The following SLC16A9 variants were observed in gnomAD, a reference collection of about 807,000 sequenced individuals.
SLC16A9 encodes solute carrier family 16 member 9.
A neutral mutation model predicts 44.3 loss-of-function variants in SLC16A9; 26 were observed. The observed-to-expected ratio is 0.59, with a 90% CI of 0.43 to 0.81. SLC16A9 has a LOEUF of 0.81. SLC16A9 is among the 40% of genes least tolerant of loss of function. The pLI is 0.00. For missense variants in SLC16A9, 559 were observed against 595.8 expected (o/e 0.94, Z 0.64); for synonymous variants, 230 against 225.1 (o/e 1.02, Z -0.19).
intron 3 of SLC16A9, among the ~76,000 whole-genome samples, chr10:59,671,523 C>T (rs1361995802): frequency 6.6e-6 from 1 of 152,164 alleles, no homozygotes; most frequent in Non-Finnish European, 1.5e-5. Context: ...CCCAACTGCC[C>T]AGCCAATGGT....
At chr10:59,699,070 C>G (rs2132539573) in intron 1 of SLC16A9, among the ~76,000 whole-genome samples, 1 of 152,272 alleles carries the variant, frequency 6.6e-6, no homozygotes. Context: ...TTGCATTTTT[C>G]ATACCCTAGT....
intron 2 of SLC16A9, among the ~76,000 whole-genome samples, chr10:59,676,398 C>T (rs1839858265): frequency 6.6e-6 from 1 of 152,146 alleles, no homozygotes. Flanking sequence ...TCTATTATTC[C>T]TCAGCACTGG....
At chr10:59,709,990 C>A (rs1237546752), upstream of SLC16A9, 3 of 152,154 alleles carry the variant, frequency 2.0e-5, no homozygotes, top group Non-Finnish European at 4.4e-5. Context: ...GGGCACTGCC[C>A]GAGCCGCGGC....
At chr10:59,664,417 T>C (rs934019688) in intron 3 of SLC16A9, 95 bp from the exon 4 acceptor site, 10 of 731,876 alleles carry the variant, frequency 1.4e-5, no homozygotes, top group Admixed American at 1.0e-4. Context: ...AGACATTCCA[T>C]TACTCACTGG....
intron 3 of SLC16A9, among the ~76,000 whole-genome samples, chr10:59,669,768 C>G (rs12252459): frequency 6.6e-6 from 1 of 151,078 alleles, no homozygotes; most frequent in Non-Finnish European, 1.5e-5. Context: ...ACCCATGAGG[C>G]GGAGGTTGCA....
chr10:59,668,889 T>A (rs993486517), intron 3 of SLC16A9, among the ~76,000 whole-genome samples: 5 of 152,202 alleles, frequency 3.3e-5, no homozygotes, highest in African/African-American at 1.2e-4. Flanking sequence ...GGGGGGCTTA[T>A]AAATCTCTAT....
In SLC16A9 at chr10:59,682,878, TTA is replaced by T. The variant is rs201291741; in HGVS notation, c.196+1216_196+1217del. ...TTCCCTTGAGCTCATAATGGCTATA[TTA>T]TTTTTTTTTGTTTACTTATATTTAA... On this transcript the variant is annotated intron_variant, in intron 2 of 5. Transcript: ENST00000395348. 3.6e-3 allele frequency among the ~76,000 whole-genome samples: 537 copies of T among 150,890 alleles called. 2 individuals are homozygous for T. The highest frequency in any genetic ancestry group is 0.011 in the African/African-American group (454 of 41,232).
Position 59,654,170 on chromosome 10 carries a change from TC to T in SLC16A9, c.855del (p.Lys286SerfsTer45). 6.2e-7 allele frequency: 1 copy of T among 1,614,090 alleles called. No individual in the cohort carries two copies. Among genetic ancestry groups the T allele is most frequent in the Non-Finnish European group, 8.5e-7 (1 of 1,180,014 alleles). On this transcript the variant is annotated frameshift_variant, in exon 5 of 6. Coordinates refer to ENST00000395348, the MANE Select transcript of SLC16A9 (RefSeq NM_194298.3). LOFTEE classifies it high-confidence loss of function. ...QTYFCKQLAKRKWQLYKNYCG... is the reference protein window; with the variant it reads ...QTYFCKQLAKXKWQLYKNYCG... ...CAGTAGTTTTTATATAACTGCCACT[TC>T]CTCTTGGCAAGCTGTTTGCAAAAAT...
At chr10:59,654,998 A>G (rs1839317126) in intron 4 of SLC16A9, among the ~76,000 whole-genome samples, 1 of 152,196 alleles carries the variant, frequency 6.6e-6, no homozygotes, top group African/African-American at 2.4e-5. Context: ...CATATTCTTA[A>G]CAAGTATCAT....
At position 59,654,061 on chromosome 10, in the gene SLC16A9, G is replaced by A; in HGVS notation, c.965C>T (p.Pro322Leu). Residue 322 changes from proline (P) to leucine (L), a missense_variant, in exon 5 of 6, where the codon CCA becomes CTA. Physicochemically the swap from Pro to Leu is moderately conservative, Grantham distance 98. Coordinates refer to ENST00000395348, the MANE Select transcript of SLC16A9 (RefSeq NM_194298.3). Reference sequence around the variant, plus strand: ...TACATCTTCCATAAGTAATGAAGGTGGAAACCCTCCGATGTCAAAGAGTAA... The same window carrying A: ...TACATCTTCCATAAGTAATGAAGGTAGAAACCCTCCGATGTCAAAGAGTAA... ...AILLFDIGGF[P>L]PSLLMEDVAR... 6.2e-7 allele frequency: 1 copy of A among 1,614,014 alleles called. No homozygotes were observed. The highest frequency in any genetic ancestry group is 8.5e-7 in the Non-Finnish European group (1 of 1,180,026).
At chr10:59,698,117 G>GAA (rs1158791323) in intron 1 of SLC16A9, among the ~76,000 whole-genome samples, 1 of 152,102 alleles carries the variant, frequency 6.6e-6, no homozygotes, top group African/African-American at 2.4e-5. Flanking sequence ...GTAGTTACTG[G>GAA]TTACCCCAGA....
At chr10:59,667,545 C>A (rs1340750915) in intron 3 of SLC16A9, among the ~76,000 whole-genome samples, 1 of 152,142 alleles carries the variant, frequency 6.6e-6, no homozygotes, top group Non-Finnish European at 1.5e-5. Context: ...AAATGAATAG[C>A]TAAACAAATA....
chr10:59,702,830 T>C (rs1564715113), intron 1 of SLC16A9, among the ~76,000 whole-genome samples: 1 of 152,240 alleles, frequency 6.6e-6, no homozygotes, highest in African/African-American at 2.4e-5. Context: ...ACTTAATTTA[T>C]CCATCTAGTT....
chr10:59,652,688 C>A lies in SLC16A9; in HGVS notation c.*84G>T, dbSNP rs1178597784. The A allele has an allele frequency of 4.7e-6, 6 of 1,287,254 alleles. No homozygotes were observed. The African/African-American group carries it at 9.2e-5, about 20-fold the overall frequency. The allele number at this position is 1,287,254 out of a possible 1,614,324, so 79.7% of individuals were successfully genotyped here. ...TTTTGCTATGAGAAAATAGTCTTGA[C>A]TCTAGAAAATTTGCTTGAGAATCTG... On this transcript the variant is annotated 3_prime_UTR_variant, in exon 6 of 6. Coordinates refer to ENST00000395348, the MANE Select transcript of SLC16A9 (RefSeq NM_194298.3).
intron 1 of SLC16A9, among the ~76,000 whole-genome samples, chr10:59,687,499 T>C (rs564534453): frequency 8.6e-4 from 131 of 152,358 alleles, no homozygotes; most frequent in Non-Finnish European, 1.1e-3. Flanking sequence ...ATAAAATATA[T>C]GTTTTCTACT....
chr10:59,694,817 T>TATATAC (rs145769219), intron 1 of SLC16A9, among the ~76,000 whole-genome samples: 2 of 47,698 alleles, frequency 4.2e-5, no homozygotes, highest in Admixed American at 2.3e-4. Flanking sequence ...TATATATATA[T>TATATAC]ACACACACAC....
intron 2 of SLC16A9, among the ~76,000 whole-genome samples, chr10:59,682,587 T>C (rs1564706466): frequency 6.6e-6 from 1 of 152,164 alleles, no homozygotes; most frequent in Non-Finnish European, 1.5e-5. Context: ...GCTAATTGAG[T>C]CAGCATTTTA....
intron 1 of SLC16A9, among the ~76,000 whole-genome samples, chr10:59,694,870 G>A (rs1840338796): frequency 7.2e-6 from 1 of 139,806 alleles, no homozygotes; most frequent in Admixed American, 7.3e-5. Context: ...TATTATATGT[G>A]ATAAAAACTG....
In SLC16A9 at chr10:59,672,903, G is replaced by A. The variant is rs1289063771; in HGVS notation, c.207C>T (p.Cys69=). ...SGVGLLASPV[C]SLCVSSFGAR... ...CTCCAAAAGATGAGACACAGAGACT[G>A]CAGACAGGACCTAAAAAAAGAAATG... The change falls in exon 3 of 6, where the codon TGC becomes TGT. Residue 69 remains cysteine (C), a synonymous_variant. Coordinates refer to ENST00000395348, the MANE Select transcript of SLC16A9 (RefSeq NM_194298.3). 2.5e-6 allele frequency: 4 copies of A among 1,608,216 alleles called. No individual in the cohort carries two copies. In the East Asian group the frequency reaches 8.9e-5, roughly 36 times the overall value.
Sources: gnomAD v4.1 joint callset for allele counts (sites outside exome capture counted in the v4.1 genomes callset) on GRCh38, gnomAD v4.1.1 for gene constraint, MANE v1.5 for transcripts, NCBI Gene and HGNC (gene_info 2026-07-23, HGNC 2026-07-21) for gene names.